LRMDA: variants seen among roughly 807,000 people sequenced by gnomAD.
LRMDA encodes the protein leucine rich melanocyte differentiation associated, also known as leucine-rich melanocyte differentiation-associated protein.
Under a neutral mutation model 29.8 loss-of-function variants are expected in LRMDA, and 18 were observed. The observed-to-expected ratio is 0.60, with a 90% confidence interval of 0.42 to 0.90. LRMDA has a LOEUF of 0.90. Among genes scored for constraint, LRMDA ranks in the 40% least tolerant of loss-of-function variants. LRMDA has a pLI of 0.00. For missense variants in LRMDA, 273 were observed against 273.9 expected (o/e 1.00, Z 0.02); for synonymous variants, 125 against 109.4 (o/e 1.14, Z -0.89).
At chr10:75,827,198 A>G (rs1359007941) in intron 2 of LRMDA, among the ~76,000 whole-genome samples, 1 of 152,134 alleles carries the variant, frequency 6.6e-6, no homozygotes, top group African/African-American at 2.4e-5. Flanking sequence ...ATAATTAGAA[A>G]AGTCTTGATT....
In LRMDA at chr10:76,559,997, T is replaced by C. The variant is rs1843603767; in HGVS notation, c.*2709T>C. ...GGGAATCCTATTAAAAGTACAACTA[T>C]TGCAGTCATTTGCTTTTACTTTTAC... On this transcript the variant is annotated 3_prime_UTR_variant, in exon 7 of 7. Coordinates refer to ENST00000611255, the MANE Select transcript of LRMDA (RefSeq NM_001305581.2). 1 of 152,214 alleles carries C rather than the reference T, an allele frequency of 6.6e-6. No homozygotes were observed. The highest frequency in any genetic ancestry group is 2.4e-5 in the African/African-American group (1 of 41,448). 9.4% of individuals were successfully genotyped at this position (152,214 alleles called of 1,614,324 possible).
intron 2 of LRMDA, among the ~76,000 whole-genome samples, chr10:75,801,178 G>A (rs1843738475): frequency 6.6e-6 from 1 of 152,188 alleles, no homozygotes; most frequent in African/African-American, 2.4e-5. Flanking sequence ...GTTTCTGCCA[G>A]ACTACTTGGA....
chr10:75,914,083 T>C (rs1239680158), intron 2 of LRMDA, among the ~76,000 whole-genome samples: 1 of 152,190 alleles, frequency 6.6e-6, no homozygotes, highest in Non-Finnish European at 1.5e-5. Context: ...TGAAGTGATA[T>C]CATCCGAAAA....
intron 6 of LRMDA, among the ~76,000 whole-genome samples, chr10:76,511,444 C>A (rs1843008640): frequency 6.6e-6 from 1 of 151,922 alleles, no homozygotes; most frequent in Admixed American, 6.6e-5. Context: ...TGTCAGCAGC[C>A]AGATAATGGA....
rs61862715 is a variant in LRMDA at position 76,195,385 on chromosome 10, C to T, written c.517-129016C>T. Among the ~76,000 whole-genome samples, 854 of 152,276 alleles carry T rather than the reference C, an allele frequency of 5.6e-3. 2 individuals are homozygous for T. The highest frequency in any genetic ancestry group is 9.4e-3 in the Non-Finnish European group (641 of 68,026). Reference sequence around the variant, plus strand: ...AAGAGCTGTGACTAGGCATAATGTGCCTTTTGAGGGTGACCATTCATTTGT... The same window carrying T: ...AAGAGCTGTGACTAGGCATAATGTGTCTTTTGAGGGTGACCATTCATTTGT... On this transcript the variant is annotated intron_variant, in intron 5 of 6. Transcript: ENST00000611255.
intron 2 of LRMDA, among the ~76,000 whole-genome samples, chr10:75,922,068 T>C (rs1846032084): frequency 6.6e-6 from 1 of 152,208 alleles, no homozygotes; most frequent in East Asian, 1.9e-4. Context: ...TTGTAGCAAG[T>C]CTTTCTTCTG....
intron 2 of LRMDA, among the ~76,000 whole-genome samples, chr10:75,473,842 C>A (rs1252399399): frequency 1.3e-5 from 2 of 152,138 alleles, no homozygotes; most frequent in Non-Finnish European, 2.9e-5. Context: ...GGTGACTTTG[C>A]CCTAGAGCAG....
intron 2 of LRMDA, among the ~76,000 whole-genome samples, chr10:75,919,267 G>C (rs544599599): frequency 6.6e-6 from 1 of 152,200 alleles, no homozygotes; most frequent in Non-Finnish European, 1.5e-5. Flanking sequence ...AAAGCTGTCG[G>C]GGATGTTTAG....
chr10:76,412,295 C>G (rs1289478204), intron 6 of LRMDA, among the ~76,000 whole-genome samples: 1 of 152,122 alleles, frequency 6.6e-6, no homozygotes, highest in Non-Finnish European at 1.5e-5. Context: ...GTATTTTCTC[C>G]TGCTTCTACA....
intron 6 of LRMDA, among the ~76,000 whole-genome samples, chr10:76,372,726 C>T (rs1841469527): frequency 6.6e-6 from 1 of 152,070 alleles, no homozygotes; most frequent in Non-Finnish European, 1.5e-5. Context: ...CAGAGATGTA[C>T]TCAGCTAAGG....
chr10:75,754,559 T>G (rs1016889285), intron 2 of LRMDA, among the ~76,000 whole-genome samples: 3 of 152,238 alleles, frequency 2.0e-5, no homozygotes, highest in African/African-American at 7.2e-5. Context: ...TTTATATTTT[T>G]ATGGGCTTTG....
At position 75,948,386 on chromosome 10, in the gene LRMDA, G is replaced by A. The variant is rs1846513709; in HGVS notation, c.132-87622G>A. Among the ~76,000 whole-genome samples the A allele has an allele frequency of 2.0e-5, 3 of 152,154 alleles. 1 individual carries two copies. The South Asian group carries it at 6.2e-4, about 32-fold the overall frequency. On this transcript the variant is annotated intron_variant, in intron 2 of 6. Coordinates refer to ENST00000611255, the MANE Select transcript of LRMDA (RefSeq NM_001305581.2). ...AATGAATGTTATTGTTAAGTGTAAGGACAGGGCATATTAGTGGTATCTTTT... is the reference window on the plus strand; with the variant it reads ...AATGAATGTTATTGTTAAGTGTAAGAACAGGGCATATTAGTGGTATCTTTT...
intron 2 of LRMDA, among the ~76,000 whole-genome samples, chr10:75,966,217 G>A (rs1846856388): frequency 1.3e-5 from 2 of 152,166 alleles, no homozygotes; most frequent in Non-Finnish European, 2.9e-5. Context: ...TCCATGTTTT[G>A]GGAGATGTGG....
chr10:76,486,583 T>C (rs1403568928), intron 6 of LRMDA, among the ~76,000 whole-genome samples: 1 of 151,958 alleles, frequency 6.6e-6, no homozygotes, highest in African/African-American at 2.4e-5. Context: ...TTATTTTGGC[T>C]AAAAATTTGG....
At chr10:76,305,154 A>C (rs551592358) in intron 5 of LRMDA, among the ~76,000 whole-genome samples, 1 of 152,228 alleles carries the variant, frequency 6.6e-6, no homozygotes, top group South Asian at 2.1e-4. Flanking sequence ...TGCAGGATAA[A>C]CCCAGGAGCT....
chr10:75,695,100 A>G (rs1842217999), intron 2 of LRMDA, among the ~76,000 whole-genome samples: 1 of 152,004 alleles, frequency 6.6e-6, no homozygotes, highest in Non-Finnish European at 1.5e-5. Flanking sequence ...CTCACTGACC[A>G]TTTTTCTGTC....
rs1280777949 is a variant in LRMDA, at chr10:75,498,933, C to T, written c.131+60439C>T. On this transcript the variant is annotated intron_variant, in intron 2 of 6. Coordinates refer to ENST00000611255, the MANE Select transcript of LRMDA (RefSeq NM_001305581.2). ...TTTTGGGAGGATGAACTGGAGGAGACGCTGTGGGTGGAGAAAAAGCAGGTG... is the reference window on the plus strand; with the variant it reads ...TTTTGGGAGGATGAACTGGAGGAGATGCTGTGGGTGGAGAAAAAGCAGGTG... 4.6e-5 allele frequency among the ~76,000 whole-genome samples: 7 copies of T among 151,934 alleles called. No individual in the cohort carries two copies. In the East Asian group the frequency reaches 5.8e-4, roughly 13 times the overall value.
intron 2 of LRMDA, among the ~76,000 whole-genome samples, chr10:75,985,927 G>A (rs1847255035): frequency 6.6e-6 from 1 of 152,238 alleles, no homozygotes; most frequent in Non-Finnish European, 1.5e-5. Context: ...TGCTTTGGGT[G>A]GCCAGACTGG....
At chr10:76,143,802 C>T (rs1429302174) in intron 5 of LRMDA, among the ~76,000 whole-genome samples, 1 of 152,184 alleles carries the variant, frequency 6.6e-6, no homozygotes, top group African/African-American at 2.4e-5. Flanking sequence ...CCTAGGTTTT[C>T]TTCTAGAGTT....
Sources: gnomAD v4.1 joint callset for allele counts (sites outside exome capture counted in the v4.1 genomes callset) on GRCh38, gnomAD v4.1.1 for gene constraint, MANE v1.5 for transcripts, NCBI Gene and HGNC (gene_info 2026-07-23, HGNC 2026-07-21) for gene names.